The following BNC2 variants were observed in gnomAD, a reference collection of about 807,000 sequenced individuals.
BNC2 encodes basonuclin zinc finger protein 2, also known as zinc finger protein basonuclin-2.
BNC2 carries 20 observed loss-of-function variants against 76.3 expected under a neutral mutation model. The ratio of observed to expected loss-of-function variants is 0.26; its 90% CI spans 0.18 to 0.38. BNC2 has a LOEUF of 0.38. Ranked by LOEUF, BNC2 falls within the 10% of genes least tolerant of loss-of-function variation. The pLI is 1.00. For missense variants in BNC2, 1,382 were observed against 1,399.8 expected (o/e 0.99, Z 0.20); for synonymous variants, 582 against 514.8 (o/e 1.13, Z -1.77).
chr9:16,707,704 C>G (rs970273473), intron 3 of BNC2, among the ~76,000 whole-genome samples: 3 of 152,138 alleles, frequency 2.0e-5, no homozygotes, highest in Non-Finnish European at 4.4e-5. Context: ...TGCAGTGGCA[C>G]GGTTTCAGTT....
intron 3 of BNC2, among the ~76,000 whole-genome samples, chr9:16,640,743 T>G (rs1821469470): frequency 6.6e-6 from 1 of 152,096 alleles, no homozygotes; most frequent in South Asian, 2.1e-4. Context: ...GGCATCAAAT[T>G]TGTAAACTTC....
intron 1 of BNC2, among the ~76,000 whole-genome samples, chr9:16,854,692 A>G (rs1483525116): frequency 1.3e-5 from 2 of 152,126 alleles, no homozygotes; most frequent in Admixed American, 6.6e-5. Flanking sequence ...AGATCCATAA[A>G]AAACCAAAGA....
At chr9:16,503,833 G>A (rs760315031) in intron 5 of BNC2, among the ~76,000 whole-genome samples, 6 of 152,030 alleles carry the variant, frequency 3.9e-5, no homozygotes, top group South Asian at 2.1e-4. Context: ...AATTATGTGG[G>A]CCTCTTCATG....
At chr9:16,502,391 G>C (rs1012692258) in intron 5 of BNC2, among the ~76,000 whole-genome samples, 9 of 151,958 alleles carry the variant, frequency 5.9e-5, no homozygotes, top group Non-Finnish European at 1.3e-4. Context: ...ATATAGGATT[G>C]GGTTAATTTT....
At chr9:16,618,683 C>G (rs1236938309) in intron 3 of BNC2, among the ~76,000 whole-genome samples, 1 of 152,188 alleles carries the variant, frequency 6.6e-6, no homozygotes, top group Non-Finnish European at 1.5e-5. Flanking sequence ...AGGACAGATA[C>G]TCATCCTTTC....
intron 1 of BNC2, among the ~76,000 whole-genome samples, chr9:16,773,727 C>T (rs543399194): frequency 8.5e-5 from 13 of 152,300 alleles, no homozygotes; most frequent in African/African-American, 3.1e-4. Flanking sequence ...TCATCTTACA[C>T]TGTGTATGGT....
At chr9:16,490,676 A>T (rs1196223146) in intron 5 of BNC2, among the ~76,000 whole-genome samples, 1 of 152,174 alleles carries the variant, frequency 6.6e-6, no homozygotes, top group Non-Finnish European at 1.5e-5. Flanking sequence ...ATGTTTCCTC[A>T]ATCAGGTCTT....
At chr9:16,615,580 T>C (rs1471650655) in intron 3 of BNC2, among the ~76,000 whole-genome samples, 1 of 152,204 alleles carries the variant, frequency 6.6e-6, no homozygotes, top group Non-Finnish European at 1.5e-5. Context: ...TAGCACATAC[T>C]CTTTTTTGTC....
chr9:16,430,900 T>C lies in BNC2; in HGVS notation c.2639+4655A>G, dbSNP rs142022065. Among the ~76,000 whole-genome samples, 567 of 152,356 alleles carry C rather than the reference T, an allele frequency of 3.7e-3. 6 individuals carry two copies. Among genetic ancestry groups the C allele is most frequent in the African/African-American group, 0.013 (541 of 41,596 alleles). Reference sequence around the variant, plus strand: ...ACACTTGACACCAATGGTTACCTCATATTTATTTATAAATCACCCTCAGCA... The same window carrying C: ...ACACTTGACACCAATGGTTACCTCACATTTATTTATAAATCACCCTCAGCA... On this transcript the variant is annotated intron_variant, in intron 6 of 6. Transcript: ENST00000380672.
intron 5 of BNC2, among the ~76,000 whole-genome samples, chr9:16,444,946 T>C (rs755714366): frequency 2.0e-5 from 3 of 152,068 alleles, no homozygotes; most frequent in Non-Finnish European, 4.4e-5. Flanking sequence ...TTTTTTCCCT[T>C]TTTTGTTAGA....
chr9:16,520,225 C>G (rs1817575846), intron 5 of BNC2, among the ~76,000 whole-genome samples: 1 of 152,138 alleles, frequency 6.6e-6, no homozygotes, highest in African/African-American at 2.4e-5. Context: ...TGAACACCAA[C>G]CCGACACTTG....
In BNC2 at chr9:16,513,299, CTTTTTT is replaced by C. The variant is rs1202222924; in HGVS notation, c.669+39225_669+39230del. Among the ~76,000 whole-genome samples, 424 of 85,544 alleles carry C rather than the reference CTTTTTT, an allele frequency of 5.0e-3. 2 individuals carry two copies. The highest frequency in any genetic ancestry group is 0.027 in the Admixed American group (183 of 6,834). The allele number at this position is 85,544 out of a possible 152,430, so 56.1% of individuals were successfully genotyped here. A position where few individuals can be genotyped will look rare whatever the true frequency, so the allele number is the denominator to read the frequency against. ...CGGGTCTAAGACATGAGAAAAGGTT[CTTTTTT>C]TTTTTTTTTTTTTTTTTTTGAGACA... On this transcript the variant is annotated intron_variant, in intron 5 of 6. Coordinates refer to ENST00000380672, the MANE Select transcript of BNC2 (RefSeq NM_017637.6).
rs1818181291 is a variant in BNC2, at chr9:16,538,023, AT to A, written c.669+14506del. On this transcript the variant is annotated intron_variant, in intron 5 of 6. Transcript: ENST00000380672. Reference sequence around the variant, plus strand: ...GAAAAACATTTATGAAGAAGTTTACATCTTTGATAATTTTGATACTCCAGAC... The same window carrying A: ...GAAAAACATTTATGAAGAAGTTTACACTTTGATAATTTTGATACTCCAGAC... Among the ~76,000 whole-genome samples, 5 of 152,348 alleles carry A rather than the reference AT, an allele frequency of 3.3e-5. 1 individual carries two copies. The South Asian group carries it at 1.0e-3, about 32-fold the overall frequency.
chr9:16,502,033 T>C (rs1216394015), intron 5 of BNC2, among the ~76,000 whole-genome samples: 1 of 152,170 alleles, frequency 6.6e-6, no homozygotes, highest in Non-Finnish European at 1.5e-5. Flanking sequence ...CTCAGATAAA[T>C]GAGTTTAGGA....
rs528365863 is a variant in BNC2, at chr9:16,670,136, C to G, written c.330+57661G>C. On this transcript the variant is annotated intron_variant, in intron 3 of 6. Transcript: ENST00000380672. ...CCTTACACTCTTCTCTAAATCTTCA[C>G]TGATCTATCATATGTCATGGTTTAA... 9.2e-5 allele frequency among the ~76,000 whole-genome samples: 14 copies of G among 152,264 alleles called. No homozygotes were observed. In the South Asian group the frequency reaches 2.9e-3, roughly 32 times the overall value.
chr9:16,697,349 T>C (rs1242167541), intron 3 of BNC2, among the ~76,000 whole-genome samples: 1 of 151,584 alleles, frequency 6.6e-6, no homozygotes, highest in Non-Finnish European at 1.5e-5. Flanking sequence ...CACCTCAAAA[T>C]ATACAAAAAT....
intron 3 of BNC2, among the ~76,000 whole-genome samples, chr9:16,608,575 A>G (rs1303630727): frequency 6.6e-6 from 1 of 152,180 alleles, no homozygotes; most frequent in African/African-American, 2.4e-5. Flanking sequence ...GCAAGATCAT[A>G]GCTCACTGCA....
chr9:16,754,846 C>A (rs1825333786), intron 1 of BNC2, among the ~76,000 whole-genome samples: 2 of 152,344 alleles, frequency 1.3e-5, no homozygotes, highest in South Asian at 4.1e-4. Flanking sequence ...GTGTGAGCCA[C>A]CGCGCCCGGC....
rs138974074 is a variant in BNC2 at position 16,753,956 on chromosome 9, C to T, written c.4-15471G>A. ...TGTGAAGCCTCCATATGCCAAAGTG[C>T]AGACACTTGGTACTTGTGTCACAAC... On this transcript the variant is annotated intron_variant, in intron 1 of 6. Transcript: ENST00000380672. 3.6e-3 allele frequency among the ~76,000 whole-genome samples: 542 copies of T among 152,318 alleles called. 9 individuals are homozygous for T. Among genetic ancestry groups the T allele is most frequent in the South Asian group, 4.3e-3 (21 of 4,834 alleles).
Sources: allele counts gnomAD v4.1 joint callset (sites outside exome capture counted in the v4.1 genomes callset), GRCh38; gene constraint gnomAD v4.1.1; transcripts MANE v1.5; gene names NCBI Gene and HGNC (gene_info 2026-07-23, HGNC 2026-07-21).